The following AGBL1 variants were observed in gnomAD, a reference collection of about 807,000 sequenced individuals.
AGBL1 encodes the protein AGBL carboxypeptidase 1.
In AGBL1, 130 loss-of-function variants were observed where a neutral mutation model predicts 118.9. The observed-to-expected ratio is 1.09, with a 90% confidence interval of 0.95 to 1.26. The LOEUF is 1.26. AGBL1 is among the 50% of genes most tolerant of loss of function. The pLI is 0.00. For synonymous variants in AGBL1, 555 were observed against 478.9 expected (o/e 1.16, Z -2.08); for missense variants, 1,584 against 1,298.1 (o/e 1.22, Z -3.38).
At chr15:86,286,569 T>C (rs1444265422) in intron 16 of AGBL1, among the ~76,000 whole-genome samples, 1 of 151,882 alleles carries the variant, frequency 6.6e-6, no homozygotes, top group East Asian at 1.9e-4. Context: ...GGTGGTTATT[T>C]GTCTCTCTGC....
rs567285721 is a variant in AGBL1 at position 86,551,926 on chromosome 15, G to A, written c.2818-2435G>A. ...TGTATTTCCAGCTGTATGACATTCTGGAGAAAGCAAAACCATGGAGACTAA... is the reference window on the plus strand; with the variant it reads ...TGTATTTCCAGCTGTATGACATTCTAGAGAAAGCAAAACCATGGAGACTAA... On this transcript the variant is annotated intron_variant, in intron 20 of 22. Transcript: ENST00000614907. Among the ~76,000 whole-genome samples the A allele has an allele frequency of 3.3e-5, 5 of 152,266 alleles. No individual in the cohort carries two copies. The South Asian group carries it at 1.0e-3, about 32-fold the overall frequency.
At chr15:86,904,174 C>T (rs1331302035) in intron 22 of AGBL1, among the ~76,000 whole-genome samples, 1 of 152,130 alleles carries the variant, frequency 6.6e-6, no homozygotes, top group Non-Finnish European at 1.5e-5. Context: ...ATCATCTGCA[C>T]CTCTTGGCAT....
intron 21 of AGBL1, among the ~76,000 whole-genome samples, chr15:86,572,735 G>C (rs749847066): frequency 6.6e-6 from 1 of 152,200 alleles, no homozygotes; most frequent in Non-Finnish European, 1.5e-5. Context: ...AGCTTCTCCA[G>C]CTGCCACCGC....
intron 17 of AGBL1, among the ~76,000 whole-genome samples, chr15:86,342,565 C>G (rs761832016): frequency 2.6e-5 from 4 of 152,142 alleles, no homozygotes; most frequent in Non-Finnish European, 5.9e-5. Context: ...AGGTACCTTA[C>G]TAAGCATTGT....
At chr15:86,461,396 C>T (rs1280327738) in intron 18 of AGBL1, among the ~76,000 whole-genome samples, 20 of 152,136 alleles carry the variant, frequency 1.3e-4, no homozygotes, top group Admixed American at 1.3e-3. Flanking sequence ...CTTCAGTGAG[C>T]CCCTTTTATG....
chr15:86,699,147 A>G (rs891537574), intron 22 of AGBL1, among the ~76,000 whole-genome samples: 1 of 151,874 alleles, frequency 6.6e-6, no homozygotes, highest in South Asian at 2.1e-4. Flanking sequence ...AATAATTTCA[A>G]CCTCACAAAA....
intron 18 of AGBL1, among the ~76,000 whole-genome samples, chr15:86,434,114 G>C (rs747250034): frequency 6.6e-6 from 1 of 152,188 alleles, no homozygotes; most frequent in African/African-American, 2.4e-5. Context: ...AGTCATTTCA[G>C]CTTTCAAAAA....
rs2080457465 is a variant in AGBL1, at chr15:86,341,249, A to G, written c.2374+45841A>G. On this transcript the variant is annotated intron_variant, in intron 17 of 22. Coordinates refer to ENST00000614907, the MANE Select transcript of AGBL1 (RefSeq NM_001386094.1). ...TTGGCTGGAATGTTATTATGTAAAAATTTTCTGACTTGCTAGGCTGCCCTT... is the reference window on the plus strand; with the variant it reads ...TTGGCTGGAATGTTATTATGTAAAAGTTTTCTGACTTGCTAGGCTGCCCTT... Among the ~76,000 whole-genome samples, 2 of 151,952 alleles carry G rather than the reference A, an allele frequency of 1.3e-5. 1 individual carries two copies. Among genetic ancestry groups the G allele is most frequent in the Admixed American group, 1.3e-4 (2 of 15,248 alleles).
At chr15:86,383,635 A>T (rs1034162281) in intron 17 of AGBL1, among the ~76,000 whole-genome samples, 2 of 152,142 alleles carry the variant, frequency 1.3e-5, no homozygotes, top group African/African-American at 4.8e-5. Context: ...ACGTGAGTTC[A>T]CATTGTTTCA....
At chr15:86,786,856 T>C (rs1254004407) in intron 22 of AGBL1, among the ~76,000 whole-genome samples, 2 of 152,216 alleles carry the variant, frequency 1.3e-5, no homozygotes, top group Non-Finnish European at 2.9e-5. Flanking sequence ...TTCTCACACC[T>C]ATCTCCTTGT....
chr15:86,097,765 C>T (rs1658258419), intron 1 of AGBL1, among the ~76,000 whole-genome samples: 2 of 151,948 alleles, frequency 1.3e-5, no homozygotes, highest in South Asian at 2.1e-4. Flanking sequence ...TATCTTGGCT[C>T]TTGTGAATAA....
chr15:86,184,091 A>G (rs1470292578), intron 5 of AGBL1, among the ~76,000 whole-genome samples: 1 of 152,242 alleles, frequency 6.6e-6, no homozygotes, highest in African/African-American at 2.4e-5. Context: ...TCTTATTGAT[A>G]GAGATGTGAT....
intron 1 of AGBL1, among the ~76,000 whole-genome samples, chr15:86,085,412 G>A (rs1384097066): frequency 6.6e-6 from 1 of 152,200 alleles, no homozygotes; most frequent in Admixed American, 6.5e-5. Flanking sequence ...AGGGTCTTGA[G>A]TGGCAAGCTT....
At chr15:86,944,373 G>A (rs573513515) in intron 23 of AGBL1, among the ~76,000 whole-genome samples, 86 of 150,196 alleles carry the variant, frequency 5.7e-4, no homozygotes, top group African/African-American at 1.8e-3. Context: ...GTGAAACTCC[G>A]TCTAAATAAT....
intron 22 of AGBL1, among the ~76,000 whole-genome samples, chr15:86,716,056 A>G (rs1596399008): frequency 8.0e-6 from 1 of 125,368 alleles, no homozygotes; most frequent in East Asian, 2.4e-4. Context: ...ACAGAGCAAG[A>G]CTCCGTCTCA....
chr15:86,271,538 C>T, intron 14 of AGBL1, 81 bp from the exon 15 acceptor site: 4 of 1,050,734 alleles, frequency 3.8e-6, no homozygotes, highest in Non-Finnish European at 6.0e-6. Flanking sequence ...GGATTAAGAC[C>T]TATGTGTATG....
chr15:86,264,671 G>T lies in AGBL1; in HGVS notation c.1500G>T (p.Gln500His), dbSNP rs755559236. The T allele has an allele frequency of 3.7e-6, 6 of 1,613,904 alleles. No homozygotes were observed. The East Asian group carries it at 1.3e-4, about 36-fold the overall frequency. Reference sequence around the variant, plus strand: ...TCAAAGTAATAGATAAGCTTCTGCAGACACATCTGAAGCGTGTCCCTTTCC... The same window carrying T: ...TCAAAGTAATAGATAAGCTTCTGCATACACATCTGAAGCGTGTCCCTTTCC... ...EVVKVIDKLL[Q>H]THLKRVPFHD... The change falls in exon 11 of 23, where the codon CAG becomes CAT. Residue 500 changes from glutamine to histidine, a missense_variant. Coordinates refer to ENST00000614907, the MANE Select transcript of AGBL1 (RefSeq NM_001386094.1).
intron 21 of AGBL1, among the ~76,000 whole-genome samples, chr15:86,557,628 C>T (rs2083752986): frequency 6.6e-6 from 1 of 152,170 alleles, no homozygotes; most frequent in African/African-American, 2.4e-5. Context: ...ACAAGGGCTC[C>T]TTTAATAACA....
chr15:86,821,423 G>A (rs549051559), intron 22 of AGBL1, among the ~76,000 whole-genome samples: 2 of 152,194 alleles, frequency 1.3e-5, no homozygotes, highest in South Asian at 2.1e-4. Flanking sequence ...ACATTTATTC[G>A]ATATGAAGAA....
Sources: gnomAD v4.1 joint callset for allele counts (sites outside exome capture counted in the v4.1 genomes callset) on GRCh38, gnomAD v4.1.1 for gene constraint, MANE v1.5 for transcripts, NCBI Gene and HGNC (gene_info 2026-07-23, HGNC 2026-07-21) for gene names.